The following AGBL4 variants were observed in gnomAD, a reference collection of about 807,000 sequenced individuals.
The protein encoded by AGBL4 is cytosolic carboxypeptidase 6.
In AGBL4, 58 loss-of-function variants were observed where a neutral mutation model predicts 66.4. That is an observed-to-expected ratio of 0.87 (90% CI 0.71 to 1.09). The LOEUF (loss-of-function observed/expected upper bound fraction) is 1.09. AGBL4 is among the 50% of genes least tolerant of loss of function. The pLI is 0.00. For synonymous variants in AGBL4, 234 were observed against 222.9 expected (o/e 1.05, Z -0.44); for missense variants, 579 against 631.0 (o/e 0.92, Z 0.88).
intron 5 of AGBL4, among the ~76,000 whole-genome samples, chr1:49,008,866 G>A (rs947270027): frequency 3.9e-5 from 6 of 151,970 alleles, no homozygotes; most frequent in African/African-American, 7.2e-5. Flanking sequence ...TCTGTGGGAC[G>A]CATTCAGAGG....
intron 7 of AGBL4, among the ~76,000 whole-genome samples, chr1:48,658,867 G>T (rs1350044833): frequency 1.3e-5 from 2 of 151,946 alleles, no homozygotes; most frequent in Non-Finnish European, 2.9e-5. Flanking sequence ...GTGTGTGTGT[G>T]TGTGTATCCA....
chr1:48,810,000 A>G (rs1646012506), intron 6 of AGBL4, among the ~76,000 whole-genome samples: 1 of 152,200 alleles, frequency 6.6e-6, no homozygotes, highest in Non-Finnish European at 1.5e-5. Context: ...CTAAGGAGCT[A>G]TAAAGCATAG....
intron 1 of AGBL4, among the ~76,000 whole-genome samples, chr1:49,936,414 C>A (rs766310434): frequency 1.3e-5 from 2 of 152,166 alleles, no homozygotes; most frequent in Non-Finnish European, 2.9e-5. Flanking sequence ...AAACACTCTG[C>A]AGGACATTAC....
At chr1:49,140,713 C>T (rs1646101147) in intron 4 of AGBL4, among the ~76,000 whole-genome samples, 1 of 152,180 alleles carries the variant, frequency 6.6e-6, no homozygotes, top group African/African-American at 2.4e-5. Flanking sequence ...TGCCCATTGG[C>T]CTGCATGCAG....
intron 4 of AGBL4, among the ~76,000 whole-genome samples, chr1:49,217,645 G>A (rs1649192980): frequency 6.6e-6 from 1 of 152,068 alleles, no homozygotes; most frequent in Non-Finnish European, 1.5e-5. Context: ...TGAATTGCCA[G>A]TGTATAAGAT....
rs574514483 is a variant in AGBL4, at chr1:49,980,757, C to T, written c.34+43006G>A. On this transcript the variant is annotated intron_variant, in intron 1 of 13. Coordinates refer to ENST00000371839, the MANE Select transcript of AGBL4 (RefSeq NM_032785.4). ...GTGTGCAAATATCTCTTCAAGATCC[C>T]GCTTTCAATTGATTTGGATATATAA... 5.3e-5 allele frequency among the ~76,000 whole-genome samples: 8 copies of T among 152,208 alleles called. No homozygotes were observed. In the East Asian group the frequency reaches 7.7e-4, roughly 15 times the overall value.
chr1:48,578,601 C>G (rs928169041), intron 11 of AGBL4, among the ~76,000 whole-genome samples: 3 of 152,156 alleles, frequency 2.0e-5, no homozygotes, highest in African/African-American at 4.8e-5. Flanking sequence ...TTAGTGAAGG[C>G]TCTCTGGCAA....
At chr1:49,992,576 C>G (rs1163504112) in intron 1 of AGBL4, among the ~76,000 whole-genome samples, 1 of 151,762 alleles carries the variant, frequency 6.6e-6, no homozygotes, top group East Asian at 1.9e-4. Flanking sequence ...TACTTTACAT[C>G]TATTTAGGAT....
chr1:49,685,675 A>G (rs1646775222), intron 3 of AGBL4, among the ~76,000 whole-genome samples: 1 of 152,116 alleles, frequency 6.6e-6, no homozygotes, highest in Middle Eastern at 3.2e-3. Flanking sequence ...ATTTTTTCAT[A>G]AGCTTGTTGG....
chr1:49,524,590 A>C (rs1205544920), intron 3 of AGBL4, among the ~76,000 whole-genome samples: 1 of 152,056 alleles, frequency 6.6e-6, no homozygotes, highest in African/African-American at 2.4e-5. Context: ...GGCCTTAAAT[A>C]AGGAGTCCAC....
At chr1:49,256,042 A>G (rs1332131597) in intron 3 of AGBL4, among the ~76,000 whole-genome samples, 1 of 152,194 alleles carries the variant, frequency 6.6e-6, no homozygotes, top group African/African-American at 2.4e-5. Context: ...ATCGGGAAAA[A>G]TAACTAATGG....
intron 3 of AGBL4, among the ~76,000 whole-genome samples, chr1:49,491,316 A>G (rs1647180539): frequency 6.6e-6 from 1 of 151,820 alleles, no homozygotes; most frequent in Non-Finnish European, 1.5e-5. Flanking sequence ...CTGAAAGTGA[A>G]TAGGTCACCC....
chr1:49,638,275 A>G (rs1233576778), intron 3 of AGBL4, among the ~76,000 whole-genome samples: 1 of 152,144 alleles, frequency 6.6e-6, no homozygotes, highest in Non-Finnish European at 1.5e-5. Flanking sequence ...CTAAAATAAT[A>G]TATATTTCAT....
intron 2 of AGBL4, among the ~76,000 whole-genome samples, chr1:49,754,115 G>A (rs866978397): frequency 1.3e-5 from 2 of 152,080 alleles, no homozygotes; most frequent in Non-Finnish European, 2.9e-5. Flanking sequence ...TTCTCTTGCT[G>A]GCGAGGAGTT....
intron 3 of AGBL4, among the ~76,000 whole-genome samples, chr1:49,426,257 T>C (rs1289371732): frequency 6.6e-6 from 1 of 152,206 alleles, no homozygotes; most frequent in African/African-American, 2.4e-5. Flanking sequence ...TGAGTTAACA[T>C]TATTGCAGCT....
chr1:49,196,138 C>A (rs1157347156), intron 4 of AGBL4, among the ~76,000 whole-genome samples: 2 of 152,154 alleles, frequency 1.3e-5, no homozygotes, highest in African/African-American at 2.4e-5. Flanking sequence ...TCAAGTACTT[C>A]TTTACAGAAG....
chr1:48,805,099 T>G (rs916421177), intron 6 of AGBL4, among the ~76,000 whole-genome samples: 2 of 152,136 alleles, frequency 1.3e-5, no homozygotes, highest in South Asian at 2.1e-4. Flanking sequence ...CAGACCCCCA[T>G]GCTAGAGATG....
At chr1:49,910,695 G>T (rs376914513) in intron 1 of AGBL4, among the ~76,000 whole-genome samples, 1 of 151,920 alleles carries the variant, frequency 6.6e-6, no homozygotes, top group Non-Finnish European at 1.5e-5. Context: ...AGAAAACCGC[G>T]CCAGGCACGG....
chr1:49,023,513 T>C (rs1437050763), intron 5 of AGBL4, among the ~76,000 whole-genome samples: 1 of 152,140 alleles, frequency 6.6e-6, no homozygotes, highest in East Asian at 1.9e-4. Context: ...CAAAATACTA[T>C]GATTTTAAGA....
Sources: gnomAD v4.1 joint callset for allele counts (sites outside exome capture counted in the v4.1 genomes callset) on GRCh38, gnomAD v4.1.1 for gene constraint, MANE v1.5 for transcripts, NCBI Gene and HGNC (gene_info 2026-07-23, HGNC 2026-07-21) for gene names.